The following STAT2 variants were observed in gnomAD, a reference collection of about 807,000 sequenced individuals.
STAT2 encodes the protein signal transducer and activator of transcription 2, also known as interferon alpha induced transcriptional activator.
Under a neutral mutation model 122.3 loss-of-function variants are expected in STAT2, and 51 were observed. The ratio of observed to expected loss-of-function variants is 0.42; its 90% CI spans 0.33 to 0.53. The LOEUF (loss-of-function observed/expected upper bound fraction) is 0.53, where lower values mean the gene tolerates loss of function less well. Among genes scored for constraint, STAT2 ranks in the 20% least tolerant of loss-of-function variants. The pLI is 0.10. For synonymous variants in STAT2, 351 were observed against 394.9 expected, an observed-to-expected ratio of 0.89 and a Z score of 1.32; for missense variants, 736 against 1,010.3, an observed-to-expected ratio of 0.73 and a Z score of 3.68.
At chr12:56,352,611 AATGC>A (rs141113285) in intron 8 of STAT2, among the ~76,000 whole-genome samples, 28,809 of 150,690 alleles carry the variant, frequency 0.19, 5,828 homozygotes, top group African/African-American at 0.52. Context: ...TCAATCAATC[AATGC>A]ATGCATGCAT....
At chr12:56,345,111 T>A (rs1592464375) in intron 22 of STAT2, among the ~76,000 whole-genome samples, 1 of 145,006 alleles carries the variant, frequency 6.9e-6, no homozygotes, top group Non-Finnish European at 1.5e-5. Context: ...GAGGCAGAGG[T>A]TGCAGTGAGC....
intron 1 of STAT2, among the ~76,000 whole-genome samples, chr12:56,359,722 G>A (rs982425063): frequency 1.3e-5 from 2 of 152,124 alleles, no homozygotes; most frequent in Admixed American, 1.3e-4. Context: ...ATCTATCTTT[G>A]TTTTTAGATT....
At chr12:56,360,030 C>T in intron 1 of STAT2, 28 bp downstream of exon 1, 1 of 984,942 alleles carries the variant, frequency 1.0e-6, no homozygotes, top group Non-Finnish European at 1.2e-6. Flanking sequence ...CCCACCCCTA[C>T]CCCAGCACAC....
In STAT2 at chr12:56,346,640, A is replaced by G; in HGVS notation, c.1862-16T>C. 4 of 1,613,504 alleles carry G rather than the reference A, an allele frequency of 2.5e-6. No homozygotes were observed. Among genetic ancestry groups the G allele is most frequent in the Non-Finnish European group, 3.4e-6 (4 of 1,179,670 alleles). ...AGCACCTTGTCTGGAGAGTGAATGCAGGAACAGGCGGGCTTGAGGGAAGAG... is the reference window on the plus strand; with the variant it reads ...AGCACCTTGTCTGGAGAGTGAATGCGGGAACAGGCGGGCTTGAGGGAAGAG... On this transcript the variant is annotated splice_polypyrimidine_tract_variant and intron_variant, in intron 20 of 23. Transcript: ENST00000314128.
At position 56,357,026 on chromosome 12, in the gene STAT2, ATTTTTTTTTTTT is replaced by A. The variant is rs34402362; in HGVS notation, c.-7-460_-7-449del. On this transcript the variant is annotated intron_variant, in intron 1 of 23. Transcript: ENST00000314128. ...TTCAGATTAGGAATGCCTAATCTGT[ATTTTTTTTTTTT>A]TTTTTTTTTTTTTTTTAAGATGGAC... Among the ~76,000 whole-genome samples the A allele has an allele frequency of 5.8e-3, 382 of 66,402 alleles. 7 individuals are homozygous for A. Among genetic ancestry groups the A allele is most frequent in the South Asian group, 0.054 (68 of 1,262 alleles). 43.6% of individuals were successfully genotyped at this position (66,402 alleles called of 152,430 possible). A position where few individuals can be genotyped will look rare whatever the true frequency, so the allele number is the denominator to read the frequency against.
intron 8 of STAT2, among the ~76,000 whole-genome samples, chr12:56,352,619 CAT>C (rs1878716965): frequency 6.6e-6 from 1 of 151,760 alleles, no homozygotes; most frequent in Non-Finnish European, 1.5e-5. Flanking sequence ...TCAATGCATG[CAT>C]GCATGCATGC....
chr12:56,356,711 A>C, intron 1 of STAT2, 133 bp from the exon 2 acceptor site: 1 of 1,286,604 alleles, frequency 7.8e-7, no homozygotes, highest in Non-Finnish European at 1.0e-6. Context: ...AAAACATTAA[A>C]ATATATGTTG....
In STAT2 at chr12:56,348,792, C is replaced by G; in HGVS notation, c.1589G>C (p.Arg530Thr). 6.2e-7 allele frequency: 1 copy of G among 1,614,132 alleles called. No individual in the cohort carries two copies. ...LRNKLFGQNC[R>T]TEDPLLSWAD... ...CCAGGACAATAATGGATCCTCAGTC[C>G]TACAGTTCTGCCCTGTGGGACAGAT... Residue 530 changes from arginine to threonine, a missense_variant, in exon 18 of 24, where the codon AGG (arginine) becomes ACG (threonine). Transcript: ENST00000314128.
intron 6 of STAT2, 158 bp downstream of exon 6, chr12:56,355,118 T>C: frequency 1.2e-6 from 1 of 862,482 alleles, no homozygotes. Context: ...CAGCTCAGCC[T>C]CCACAAAGCA....
chr12:56,351,467 A>G lies in STAT2; in HGVS notation c.783-17T>C, dbSNP rs897923302. On this transcript the variant is annotated splice_polypyrimidine_tract_variant and intron_variant, in intron 8 of 23. Coordinates refer to ENST00000314128, the MANE Select transcript of STAT2 (RefSeq NM_005419.4). ...GCTGTGAACCTGGGTGATAAAATTC[A>G]GGAAGAAGGAATCCATGAGTTTCCT... The G allele has an allele frequency of 9.3e-6, 15 of 1,609,700 alleles. No individual in the cohort carries two copies. The highest frequency in any genetic ancestry group is 1.3e-5 in the Non-Finnish European group (15 of 1,178,192).
intron 8 of STAT2, among the ~76,000 whole-genome samples, chr12:56,354,262 A>C (rs1879163361): frequency 1.3e-5 from 2 of 151,376 alleles, no homozygotes; most frequent in Non-Finnish European, 2.9e-5. Context: ...GGGTTAATTC[A>C]TTCCTTTCCC....
At chr12:56,346,301 T>C (rs1026401001) in intron 21 of STAT2, 98 bp from the exon 22 acceptor site, 48 of 1,566,230 alleles carry the variant, frequency 3.1e-5, no homozygotes, top group Non-Finnish European at 3.9e-5. Context: ...CTCATCCCCA[T>C]AGTAACCAGC....
At chr12:56,343,618 A>T (rs11575244) in intron 23 of STAT2, 87 bp from the exon 24 acceptor site, 1 of 1,550,200 alleles carries the variant, frequency 6.5e-7, no homozygotes, top group Admixed American at 1.9e-5. Flanking sequence ...ATGGCAGGAA[A>T]GGCCTGGGAA....
Position 56,348,935 on chromosome 12 carries a change from T to C in STAT2, c.1565A>G (p.Asn522Ser). 1 of 1,613,430 alleles carries C rather than the reference T, an allele frequency of 6.2e-7. No homozygotes were observed. Among genetic ancestry groups the C allele is most frequent in the South Asian group, 1.1e-5 (1 of 91,014 alleles). The part of the protein sequence containing the change: ...LNSDQLSMLR[N>S]KLFGQNCRTE... ...AAGGAAATCTGTACCGAACAGCTTG[T>C]TTCTCAGCATGCTCAGCTGGTCTGA... The change falls in exon 17 of 24, where the codon AAC becomes AGC. Residue 522 changes from asparagine to serine, a missense_variant. Asn to Ser is a conservative substitution (Grantham distance 46). Transcript: ENST00000314128.
intron 8 of STAT2, among the ~76,000 whole-genome samples, chr12:56,351,754 A>C (rs919444673): frequency 6.6e-6 from 1 of 152,168 alleles, no homozygotes; most frequent in Non-Finnish European, 1.5e-5. Context: ...CAACCCTCTG[A>C]GGCAGGTACT....
rs781696743 is a variant in STAT2, at chr12:56,355,852, G to T, written c.286-49C>A. ...TTGATCCAATTCAACCACTCTCAATGACCTATTGCCCTAGACCCTCCCCAC... is the reference window on the plus strand; with the variant it reads ...TTGATCCAATTCAACCACTCTCAATTACCTATTGCCCTAGACCCTCCCCAC... On this transcript the variant is annotated intron_variant, in intron 3 of 23. Coordinates refer to ENST00000314128, the MANE Select transcript of STAT2 (RefSeq NM_005419.4). 5.1e-6 allele frequency: 8 copies of T among 1,561,678 alleles called. No individual in the cohort carries two copies. The South Asian group carries it at 8.9e-5, about 17-fold the overall frequency.
Position 56,356,575 on chromosome 12 carries a change from G to A in STAT2, c.-4C>T. The A allele has an allele frequency of 6.2e-7, 1 of 1,614,124 alleles. No homozygotes were observed. The highest frequency in any genetic ancestry group is 8.5e-7 in the Non-Finnish European group (1 of 1,180,022). The stretch of plus-strand genomic sequence containing the variant: ...GCAGCATTTCCCACTGCGCCATTTG[G>A]GCTCTGCGTCAGAAGGATGAGGGTT... On this transcript the variant is annotated 5_prime_UTR_variant, in exon 2 of 24. Coordinates refer to ENST00000314128, the MANE Select transcript of STAT2 (RefSeq NM_005419.4).
At chr12:56,353,342 G>A (rs1324925854) in intron 8 of STAT2, among the ~76,000 whole-genome samples, 5 of 149,994 alleles carry the variant, frequency 3.3e-5, no homozygotes, top group African/African-American at 7.5e-5. Flanking sequence ...TATGTTTCCC[G>A]GGCTGGTCTC....
intron 19 of STAT2, 41 bp from the exon 20 acceptor site, chr12:56,346,996 C>A: frequency 6.2e-7 from 1 of 1,604,110 alleles, no homozygotes; most frequent in Non-Finnish European, 8.5e-7. Flanking sequence ...GCCCAACACC[C>A]TGCCCCACCA....
Sources: allele counts gnomAD v4.1 joint callset (sites outside exome capture counted in the v4.1 genomes callset), GRCh38; gene constraint gnomAD v4.1.1; transcripts MANE v1.5; gene names NCBI Gene and HGNC (gene_info 2026-07-23, HGNC 2026-07-21).